CHUK: variants seen among roughly 807,000 people sequenced by gnomAD.
CHUK encodes inhibitor of nuclear factor kappa-B kinase subunit alpha.
Under a neutral mutation model 104.8 loss-of-function variants are expected in CHUK, and 35 were observed. The ratio of observed to expected loss-of-function variants is 0.33; its 90% CI spans 0.26 to 0.44. The LOEUF is 0.44. Ranked by LOEUF, CHUK falls within the 20% of genes least tolerant of loss-of-function variation. CHUK has a pLI of 1.00. For synonymous variants in CHUK, 276 were observed against 291.9 expected (o/e 0.95, Z 0.56); for missense variants, 663 against 902.7 (o/e 0.73, Z 3.40).
chr10:100,216,573 G>A (rs528525758), intron 9 of CHUK, among the ~76,000 whole-genome samples: 4 of 152,274 alleles, frequency 2.6e-5, no homozygotes, highest in East Asian at 1.9e-4. Context: ...GAGAGGTGGC[G>A]CACACCTGTA....
chr10:100,200,712 C>T lies in CHUK; in HGVS notation c.1638G>A (p.Lys546=), dbSNP rs747192634. ...CTCCCTGACGTCTTCCATAGGGGCT[C>T]TTCTGTAGCTCCATGATTTCAGCAT... ...SLHAEIMELQ[K]SPYGRRQGDL... Residue 546 remains lysine (K), a synonymous_variant, in exon 15 of 21, where the codon AAG becomes AAA. Transcript: ENST00000370397. 8 of 1,606,738 alleles carry T rather than the reference C, an allele frequency of 5.0e-6. No homozygotes were observed. The African/African-American group carries it at 8.0e-5, about 16-fold the overall frequency.
rs779895200 is a variant in CHUK at position 100,218,081 on chromosome 10, C to T, written c.847G>A (p.Asp283Asn). ...ACAGGTCCTCCTCTCTGCTGAGGGT[C>T]CCAATTCAACATCAACTGTAGCCAG... ...ENWLQLMLNW[D>N]PQQRGGPVDL... Residue 283 changes from aspartate (D) to asparagine (N), a missense_variant, in exon 9 of 21, where the codon GAC becomes AAC. By Grantham distance (23) the Asp-to-Asn change is conservative (BLOSUM62 1). This residue lies in a region of CHUK where 200 missense variants were observed against 333.0 expected (regional missense o/e 0.60). Transcript: ENST00000370397. The T allele has an allele frequency of 6.2e-7, 1 of 1,612,808 alleles. No homozygotes were observed. The highest frequency in any genetic ancestry group is 2.2e-5 in the East Asian group (1 of 44,852).
At chr10:100,213,035 A>G (rs1845766397) in intron 9 of CHUK, among the ~76,000 whole-genome samples, 1 of 151,990 alleles carries the variant, frequency 6.6e-6, no homozygotes, top group Admixed American at 6.6e-5. Context: ...AAAAGAAAAA[A>G]AAAGAAAAAA....
chr10:100,219,306 A>G lies in CHUK; in HGVS notation c.528T>C (p.Ser176=), dbSNP rs1385204479. The change falls in exon 6 of 21, where the codon AGT becomes AGC. Residue 176 remains serine, a synonymous_variant. Coordinates refer to ENST00000370397, the MANE Select transcript of CHUK (RefSeq NM_001278.5). ...LGYAKDVDQG[S]LCTSFVGTLQ... is the part of the protein sequence containing the mutation. ...GTGTTCCCACAAAAGATGTACACAGACTTCCTTGATCAACATCTTTGGCAT... is the reference window on the plus strand; with the variant it reads ...GTGTTCCCACAAAAGATGTACACAGGCTTCCTTGATCAACATCTTTGGCAT... The G allele has an allele frequency of 6.2e-7, 1 of 1,606,034 alleles. No homozygotes were observed. Among genetic ancestry groups the G allele is most frequent in the Non-Finnish European group, 8.5e-7 (1 of 1,172,656 alleles).
At chr10:100,213,442 C>T (rs952051260) in intron 9 of CHUK, among the ~76,000 whole-genome samples, 1 of 150,634 alleles carries the variant, frequency 6.6e-6, no homozygotes, top group Non-Finnish European at 1.5e-5. Flanking sequence ...GTGGAGATTG[C>T]ACCATGGTAC....
Position 100,194,076 on chromosome 10 carries a change from C to T in CHUK, c.1882G>A (p.Ala628Thr). 6.2e-7 allele frequency: 1 copy of T among 1,613,384 alleles called. No individual in the cohort carries two copies. Residue 628 changes from alanine (A) to threonine (T), a missense_variant, in exon 18 of 21, where the codon GCC becomes ACC. Around this residue, in one of 5 missense-constraint regions of CHUK, gnomAD observed 311 missense variants for 393.4 expected, o/e 0.79. Coordinates refer to ENST00000370397, the MANE Select transcript of CHUK (RefSeq NM_001278.5). ...IIDLLPKVEVALSNIKEADNT... is the reference protein window; with the variant it reads ...IIDLLPKVEVTLSNIKEADNT... ...TCAGCTTCTTTGATATTACTGAGGG[C>T]CACTTCCACCTTAGGGAGTAGATCA...
chr10:100,203,352 C>T (rs1168606346), intron 13 of CHUK, among the ~76,000 whole-genome samples: 1 of 151,764 alleles, frequency 6.6e-6, no homozygotes, highest in Non-Finnish European at 1.5e-5. Flanking sequence ...TTTGACAAGT[C>T]TAAGATATTT....
intron 10 of CHUK, among the ~76,000 whole-genome samples, chr10:100,209,295 C>G (rs1232115218): frequency 6.6e-6 from 1 of 152,226 alleles, no homozygotes; most frequent in Non-Finnish European, 1.5e-5. Flanking sequence ...ACTCCCATCT[C>G]TCCCAATTCA....
chr10:100,207,666 A>C (rs1005964649), intron 10 of CHUK, among the ~76,000 whole-genome samples: 1 of 152,252 alleles, frequency 6.6e-6, no homozygotes, highest in Non-Finnish European at 1.5e-5. Flanking sequence ...AAGTAAAAAA[A>C]GTCAGACACA....
At chr10:100,221,036 T>C (rs1845974760) in intron 4 of CHUK, among the ~76,000 whole-genome samples, 1 of 152,152 alleles carries the variant, frequency 6.6e-6, no homozygotes, top group Non-Finnish European at 1.5e-5. Flanking sequence ...CCAAAATCTA[T>C]GGGGAAACAA....
In CHUK at chr10:100,209,674, C is replaced by T. The variant is rs1845675930; in HGVS notation, c.1049G>A (p.Gly350Asp). The change falls in exon 10 of 21, where the codon GGT becomes GAT. Residue 350 changes from glycine to aspartate, a missense_variant. Around this residue, in one of 5 missense-constraint regions of CHUK, gnomAD observed 93 missense variants for 95.9 expected, o/e 0.97. Coordinates refer to ENST00000370397, the MANE Select transcript of CHUK (RefSeq NM_001278.5). ...RIERETGINT[G>D]SQELLSETGI... ...TGTCTCTGAAAGAAGTTCTTGAGAACCAGTATTTATTCCAGTTTCACGCTC... is the reference window on the plus strand; with the variant it reads ...TGTCTCTGAAAGAAGTTCTTGAGAATCAGTATTTATTCCAGTTTCACGCTC... 1 of 1,606,858 alleles carries T rather than the reference C, an allele frequency of 6.2e-7. No homozygotes were observed. The highest frequency in any genetic ancestry group is 1.1e-5 in the South Asian group (1 of 90,938).
At chr10:100,190,395 G>C (rs919167307) in intron 20 of CHUK, 1 of 186,154 alleles carries the variant, frequency 5.4e-6, no homozygotes, top group African/African-American at 2.4e-5. Context: ...AATTGATTCA[G>C]TAGACATTTT....
chr10:100,220,980 A>G (rs796113122), intron 4 of CHUK, among the ~76,000 whole-genome samples: 10 of 152,306 alleles, frequency 6.6e-5, no homozygotes, highest in African/African-American at 2.4e-4. Flanking sequence ...TAAATCACTC[A>G]TTTCAATTGG....
At position 100,228,993 on chromosome 10, in the gene CHUK, GCACACA is replaced by G. The variant is rs59218517; in HGVS notation, c.105+429_105+434del. Reference sequence around the variant, plus strand: ...GGCCTCCAAGCGCGCGCGCGCGCGCGCACACACACACACACACACACACACACACAC... The same window carrying G: ...GGCCTCCAAGCGCGCGCGCGCGCGCGCACACACACACACACACACACACAC... On this transcript the variant is annotated intron_variant, in intron 1 of 20. Transcript: ENST00000370397. 3.2e-3 allele frequency among the ~76,000 whole-genome samples: 422 copies of G among 133,542 alleles called. 3 individuals carry two copies. The highest frequency in any genetic ancestry group is 0.011 in the African/African-American group (366 of 33,080). 87.6% of individuals were successfully genotyped at this position (133,542 alleles called of 152,430 possible).
intron 9 of CHUK, among the ~76,000 whole-genome samples, chr10:100,212,329 A>G (rs1230343202): frequency 6.6e-6 from 1 of 152,178 alleles, no homozygotes; most frequent in Non-Finnish European, 1.5e-5. Context: ...GATAATAGCC[A>G]TCCCAACAGG....
intron 9 of CHUK, among the ~76,000 whole-genome samples, chr10:100,214,987 C>T (rs553502682): frequency 2.0e-5 from 3 of 152,146 alleles, no homozygotes; most frequent in Admixed American, 1.3e-4. Flanking sequence ...GTAATCCCAG[C>T]ACTTTGGAAG....
chr10:100,218,677 G>A (rs767123821), intron 8 of CHUK, 41 bp downstream of exon 8: 2 of 1,294,284 alleles, frequency 1.5e-6, no homozygotes, highest in South Asian at 2.4e-5. Flanking sequence ...TTACAACTCT[G>A]GAGAAACTGA....
intron 9 of CHUK, 100 bp downstream of exon 9, chr10:100,217,895 A>G: frequency 8.4e-7 from 1 of 1,196,494 alleles, no homozygotes; most frequent in Non-Finnish European, 1.2e-6. Flanking sequence ...TAAATAAATA[A>G]GCAACAGGAA....
At chr10:100,196,624 C>T (rs573687248) in intron 16 of CHUK, among the ~76,000 whole-genome samples, 1 of 152,224 alleles carries the variant, frequency 6.6e-6, no homozygotes, top group South Asian at 2.1e-4. Context: ...TGGTCTCAAA[C>T]TGTTGGCCTC....
Sources: allele counts gnomAD v4.1 joint callset (sites outside exome capture counted in the v4.1 genomes callset), GRCh38; gene constraint gnomAD v4.1.1; regional missense constraint gnomAD v4.1.1; transcripts MANE v1.5; gene names NCBI Gene and HGNC (gene_info 2026-07-23, HGNC 2026-07-21).